Variants in TBC1D5 observed in about 807,000 individuals in gnomAD.
TBC1D5 encodes the protein TBC1 domain family member 5.
In TBC1D5, 75 loss-of-function variants were observed where a neutral mutation model predicts 100.3. That is an observed-to-expected ratio of 0.75 (90% CI 0.62 to 0.91). The LOEUF (loss-of-function observed/expected upper bound fraction) is 0.91, where lower values mean the gene tolerates loss of function less well. Among genes scored for constraint, TBC1D5 ranks in the 40% least tolerant of loss-of-function variants. The pLI is 0.00. For missense variants in TBC1D5, 910 were observed against 942.4 expected (o/e 0.97, Z 0.45); for synonymous variants, 323 against 325.6 (o/e 0.99, Z 0.09).
chr3:17,693,486 C>CA (rs1239104130), intron 1 of TBC1D5, among the ~76,000 whole-genome samples: 1 of 152,230 alleles, frequency 6.6e-6, no homozygotes, highest in East Asian at 1.9e-4. Context: ...ACTGCTAGCG[C>CA]AGCAGTCTGA....
chr3:17,328,655 G>T (rs2086494043), intron 13 of TBC1D5, among the ~76,000 whole-genome samples: 1 of 152,194 alleles, frequency 6.6e-6, no homozygotes, highest in African/African-American at 2.4e-5. Flanking sequence ...TAATGAAGTG[G>T]GTTATTTCCT....
chr3:17,733,034 CA>C (rs2076690719), intron 1 of TBC1D5, among the ~76,000 whole-genome samples: 1 of 152,044 alleles, frequency 6.6e-6, no homozygotes, highest in African/African-American at 2.4e-5. Context: ...AGGTAAGGAG[CA>C]ATTTTCTGAA....
chr3:17,574,982 A>G (rs1006562592), intron 2 of TBC1D5, among the ~76,000 whole-genome samples: 3 of 152,032 alleles, frequency 2.0e-5, no homozygotes, highest in Non-Finnish European at 4.4e-5. Flanking sequence ...TTTAAACACA[A>G]AACACCCTAG....
At chr3:17,295,446 G>A (rs1251586199) in intron 14 of TBC1D5, among the ~76,000 whole-genome samples, 1 of 152,222 alleles carries the variant, frequency 6.6e-6, no homozygotes, top group Non-Finnish European at 1.5e-5. Context: ...AGGCAGAGCT[G>A]ACTTCTCTGT....
intron 1 of TBC1D5, among the ~76,000 whole-genome samples, chr3:17,677,057 A>G (rs1316218140): frequency 2.6e-5 from 4 of 152,180 alleles, no homozygotes; most frequent in Admixed American, 6.5e-5. Context: ...CCCTAGAAGA[A>G]AACCTAGGCA....
At chr3:17,183,196 A>T (rs2068642232) in intron 19 of TBC1D5, among the ~76,000 whole-genome samples, 3 of 152,192 alleles carry the variant, frequency 2.0e-5, no homozygotes, top group Non-Finnish European at 2.9e-5. Flanking sequence ...CTGGAAGATA[A>T]GGCAATGAAG....
rs577226588 is a variant in TBC1D5, at chr3:17,574,282, AG to A, written c.-36+49566del. ...CCATTGCCTCCAAATTAAGCTTGGG[AG>A]GGCCTCATCTGTTCCCCCGTTGAGG... On this transcript the variant is annotated intron_variant, in intron 2 of 21. Coordinates refer to ENST00000253692, the Ensembl canonical transcript of TBC1D5. 1.6e-3 allele frequency among the ~76,000 whole-genome samples: 236 copies of A among 152,074 alleles called. 2 individuals carry two copies. The highest frequency in any genetic ancestry group is 5.3e-3 in the African/African-American group (219 of 41,502).
chr3:17,658,034 C>T (rs369946416), intron 1 of TBC1D5, among the ~76,000 whole-genome samples: 43 of 152,312 alleles, frequency 2.8e-4, no homozygotes, highest in African/African-American at 9.1e-4. Flanking sequence ...TGTGTTACAA[C>T]TGCCTACAGT....
At chr3:17,563,379 T>C (rs1260184404) in intron 2 of TBC1D5, among the ~76,000 whole-genome samples, 12 of 152,158 alleles carry the variant, frequency 7.9e-5, no homozygotes, top group Admixed American at 7.2e-4. Context: ...CAGACTAGAT[T>C]ACCAAGAAAA....
chr3:17,483,386 A>C (rs1282521490), intron 3 of TBC1D5, among the ~76,000 whole-genome samples: 1 of 152,200 alleles, frequency 6.6e-6, no homozygotes, highest in African/African-American at 2.4e-5. Flanking sequence ...CAGAAGGTCT[A>C]AATGAAACCT....
In TBC1D5 at chr3:17,723,092, T is replaced by C. The variant is rs559754981; in HGVS notation, c.-101+16251A>G. 1.2e-4 allele frequency among the ~76,000 whole-genome samples: 18 copies of C among 152,316 alleles called. No homozygotes were observed. In the East Asian group the frequency reaches 1.3e-3, roughly 11 times the overall value. On this transcript the variant is annotated intron_variant, in intron 1 of 21. Coordinates refer to ENST00000253692, the Ensembl canonical transcript of TBC1D5. ...AGAATGAATAAAACCTACTATTATA[T>C]AGTGCAACTATTATTAACTATATTA...
At chr3:17,194,226 G>C (rs1414826547) in intron 18 of TBC1D5, among the ~76,000 whole-genome samples, 1 of 152,182 alleles carries the variant, frequency 6.6e-6, no homozygotes, top group Non-Finnish European at 1.5e-5. Context: ...ATTCTAGGAA[G>C]GCTGTGAAGT....
At chr3:17,354,446 C>A (rs1193808461) in intron 13 of TBC1D5, among the ~76,000 whole-genome samples, 3 of 152,102 alleles carry the variant, frequency 2.0e-5, no homozygotes, top group Non-Finnish European at 4.4e-5. Flanking sequence ...AGGAGAATCT[C>A]TTCTCCCCTT....
chr3:17,233,760 A>C lies in TBC1D5; in HGVS notation c.1588+4403T>G. 3.9e-6 allele frequency: 6 copies of C among 1,519,370 alleles called. No individual in the cohort carries two copies. Among genetic ancestry groups the C allele is most frequent in the East Asian group, 2.5e-5 (1 of 40,636 alleles). 94.1% of individuals were successfully genotyped at this position (1,519,370 alleles called of 1,614,324 possible). A position where few individuals can be genotyped will look rare whatever the true frequency, so the allele number is the denominator to read the frequency against. On this transcript the variant is annotated intron_variant, in intron 17 of 21. Transcript: ENST00000253692. ...CCTGTAACTACATCGCCTGGATTTC[A>C]TAAGAAAAAATAATTAGATTTCATA...
intron 1 of TBC1D5, among the ~76,000 whole-genome samples, chr3:17,715,899 A>C (rs2075190815): frequency 6.6e-6 from 1 of 152,022 alleles, no homozygotes; most frequent in East Asian, 1.9e-4. Context: ...TCTACTAAAA[A>C]TATTTAGCCA....
At chr3:17,419,784 T>A (rs1414559962) in intron 4 of TBC1D5, among the ~76,000 whole-genome samples, 1 of 152,144 alleles carries the variant, frequency 6.6e-6, no homozygotes, top group Non-Finnish European at 1.5e-5. Flanking sequence ...CAAGTGATTG[T>A]CCCACCTGAG....
intron 1 of TBC1D5, chr3:17,706,276 A>C: frequency 6.5e-7 from 1 of 1,546,374 alleles, no homozygotes; most frequent in Non-Finnish European, 8.7e-7. Context: ...TCAGCTCTAA[A>C]GAGTTGAACT....
At chr3:17,292,542 T>C (rs139456600) in intron 14 of TBC1D5, among the ~76,000 whole-genome samples, 6 of 152,326 alleles carry the variant, frequency 3.9e-5, no homozygotes, top group South Asian at 4.1e-4. Context: ...AGGGAGAGAA[T>C]ACCTAAGCAG....
chr3:17,656,440 T>G (rs2066071124), intron 1 of TBC1D5, among the ~76,000 whole-genome samples: 1 of 152,196 alleles, frequency 6.6e-6, no homozygotes, highest in African/African-American at 2.4e-5. Flanking sequence ...CTCCTGCTGG[T>G]AGCCAGACAG....
Sources: gnomAD v4.1 joint callset for allele counts (sites outside exome capture counted in the v4.1 genomes callset) on GRCh38, gnomAD v4.1.1 for gene constraint, MANE v1.5 for transcripts, NCBI Gene and HGNC (gene_info 2026-07-23, HGNC 2026-07-21) for gene names.